The following TUB variants were observed in gnomAD, a reference collection of about 807,000 sequenced individuals.
TUB encodes tubby protein homolog.
A neutral mutation model predicts 59.7 loss-of-function variants in TUB; 33 were observed. The ratio of observed to expected loss-of-function variants is 0.55; its 90% CI spans 0.42 to 0.74. TUB has a LOEUF of 0.74. Ranked by LOEUF, TUB falls within the 30% of genes least tolerant of loss-of-function variation. TUB has a pLI of 0.00. For synonymous variants in TUB, 293 were observed against 256.4 expected, an observed-to-expected ratio of 1.14 and a Z score of -1.36; for missense variants, 659 against 672.0, an observed-to-expected ratio of 0.98 and a Z score of 0.21.
At chr11:8,081,654 C>T in intron 1 of TUB, 106 bp downstream of exon 1, 1 of 1,265,368 alleles carries the variant, frequency 7.9e-7, no homozygotes, top group Non-Finnish European at 1.0e-6. Flanking sequence ...CCCACCTATC[C>T]CAGCACTGGG....
intron 1 of TUB, among the ~76,000 whole-genome samples, chr11:8,023,971 A>G (rs1942467399): frequency 6.6e-6 from 1 of 152,140 alleles, no homozygotes; most frequent in Non-Finnish European, 1.5e-5. Flanking sequence ...CCTTCTCTTC[A>G]GTTATTCACA....
upstream of TUB, among the ~76,000 whole-genome samples, chr11:8,081,048 G>T (rs1031069529): frequency 2.0e-5 from 3 of 152,130 alleles, no homozygotes; most frequent in African/African-American, 7.2e-5. Context: ...TTAGCCGAAG[G>T]TGGGAGCCGG....
intron 2 of TUB, among the ~76,000 whole-genome samples, chr11:8,075,334 T>C (rs1244782271): frequency 2.0e-5 from 3 of 152,242 alleles, no homozygotes; most frequent in African/African-American, 7.2e-5. Context: ...CTCTGGGCTC[T>C]ACAATGCTCA....
chr11:8,062,374 G>A (rs1943145478), intron 2 of TUB: 1 of 152,762 alleles, frequency 6.5e-6, no homozygotes, highest in African/African-American at 2.4e-5. Context: ...CAGTCCTGGG[G>A]AGATACACAT....
intron 8 of TUB, among the ~76,000 whole-genome samples, chr11:8,098,506 G>T (rs1241069076): frequency 6.6e-6 from 1 of 152,148 alleles, no homozygotes; most frequent in African/African-American, 2.4e-5. Context: ...ATCTTCTGAA[G>T]AATCCTGATT....
chr11:8,052,346 A>C (rs1942945816), intron 2 of TUB, among the ~76,000 whole-genome samples: 1 of 152,076 alleles, frequency 6.6e-6, no homozygotes, highest in Non-Finnish European at 1.5e-5. Flanking sequence ...ATATAAGTAA[A>C]ATTTTATAGT....
intron 1 of TUB, among the ~76,000 whole-genome samples, chr11:8,024,683 C>A (rs1380904102): frequency 6.6e-6 from 1 of 152,202 alleles, no homozygotes; most frequent in Non-Finnish European, 1.5e-5. Context: ...ATTCTCCCCT[C>A]ATGTTTGATT....
chr11:8,063,689 T>C (rs1943177366), intron 2 of TUB, among the ~76,000 whole-genome samples: 1 of 152,324 alleles, frequency 6.6e-6, no homozygotes, highest in Admixed American at 6.5e-5. Context: ...ACTTTCTTAG[T>C]ATTTTACTGG....
chr11:8,049,574 TATATATAGATAGATAG>T (rs1207787944), intron 2 of TUB, among the ~76,000 whole-genome samples: 1,848 of 89,732 alleles, frequency 0.021, 62 homozygotes, highest in African/African-American at 0.073. Flanking sequence ...TATATATATA[TATATATAGATAGATAG>T]ATAGATAGAT....
chr11:8,066,190 A>C (rs1158580644), intron 2 of TUB, among the ~76,000 whole-genome samples: 1 of 152,176 alleles, frequency 6.6e-6, no homozygotes, highest in Admixed American at 6.5e-5. Context: ...CCTCTAGCCC[A>C]GGGTGTTCTG....
At chr11:8,059,075 G>A (rs1236530691) in intron 2 of TUB, among the ~76,000 whole-genome samples, 1 of 152,172 alleles carries the variant, frequency 6.6e-6, no homozygotes, top group African/African-American at 2.4e-5. Context: ...GTGAGGTAGG[G>A]TGGGGTGGAG....
At chr11:8,027,485 T>G (rs1942515466) in intron 1 of TUB, among the ~76,000 whole-genome samples, 1 of 152,248 alleles carries the variant, frequency 6.6e-6, no homozygotes, top group African/African-American at 2.4e-5. Context: ...ACATTTTGTT[T>G]ATTTTTAAAA....
At chr11:8,055,560 C>A (rs1943006932) in intron 2 of TUB, among the ~76,000 whole-genome samples, 1 of 152,210 alleles carries the variant, frequency 6.6e-6, no homozygotes, top group African/African-American at 2.4e-5. Context: ...AGGCCCTTAC[C>A]CTGGCCGCAC....
At chr11:8,036,540 A>G (rs1313631049), upstream of TUB, among the ~76,000 whole-genome samples, 1 of 152,240 alleles carries the variant, frequency 6.6e-6, no homozygotes, top group Non-Finnish European at 1.5e-5. Flanking sequence ...CATGGAGGAC[A>G]GAACTAGGAC....
chr11:8,073,723 C>A (rs145776950), intron 2 of TUB, among the ~76,000 whole-genome samples: 3 of 152,244 alleles, frequency 2.0e-5, no homozygotes, highest in Non-Finnish European at 4.4e-5. Flanking sequence ...ACCACTCTTT[C>A]TATTTATAAT....
chr11:8,065,924 G>A (rs1943231163), intron 2 of TUB, among the ~76,000 whole-genome samples: 1 of 152,234 alleles, frequency 6.6e-6, no homozygotes, highest in Non-Finnish European at 1.5e-5. Flanking sequence ...TGACAGTGTG[G>A]ATTCTGTGGT....
intron 5 of TUB, 73 bp downstream of exon 5, chr11:8,095,738 G>A (rs1943963427): frequency 1.3e-5 from 19 of 1,476,872 alleles, no homozygotes; most frequent in Admixed American, 2.1e-5. Flanking sequence ...TTCTCTGGGA[G>A]CATGGCCTTC....
upstream of TUB, among the ~76,000 whole-genome samples, chr11:8,078,417 T>A (rs1943484435): frequency 6.6e-6 from 1 of 152,164 alleles, no homozygotes; most frequent in Non-Finnish European, 1.5e-5. Flanking sequence ...TATGCCCTTC[T>A]TCGAGGGTCA....
intron 4 of TUB, among the ~76,000 whole-genome samples, chr11:8,094,782 CT>C (rs1943910822): frequency 6.6e-6 from 1 of 152,238 alleles, no homozygotes; most frequent in Non-Finnish European, 1.5e-5. Flanking sequence ...GTTTCCTCAA[CT>C]TTTGTTCACG....
Sources: gnomAD v4.1 joint callset for allele counts (sites outside exome capture counted in the v4.1 genomes callset) on GRCh38, gnomAD v4.1.1 for gene constraint, MANE v1.5 for transcripts, NCBI Gene and HGNC (gene_info 2026-07-23, HGNC 2026-07-21) for gene names.